MEIS1: variants seen among roughly 807,000 people sequenced by gnomAD.
MEIS1 encodes the protein Meis homeobox 1, also known as homeobox protein Meis1.
MEIS1 carries 5 observed loss-of-function variants against 50.8 expected under a neutral mutation model. That is an observed-to-expected ratio of 0.10 (90% CI 0.05 to 0.21). The LOEUF (loss-of-function observed/expected upper bound fraction) is 0.21, where lower values mean the gene tolerates loss of function less well. Ranked by LOEUF, MEIS1 falls within the 10% of genes least tolerant of loss-of-function variation. The pLI, the probability that MEIS1 is intolerant of heterozygous loss-of-function variation, is 1.00. For missense variants in MEIS1, 318 were observed against 517.3 expected (o/e 0.61, Z 3.74); for synonymous variants, 176 against 179.3 (o/e 0.98, Z 0.15).
intron 7 of MEIS1, among the ~76,000 whole-genome samples, chr2:66,491,060 A>C (rs966252033): frequency 1.3e-5 from 2 of 150,670 alleles, no homozygotes; most frequent in African/African-American, 5.0e-5. Context: ...AAATGGAGAA[A>C]TGTATTAAGG....
At chr2:66,540,650 A>C (rs1420678771) in intron 8 of MEIS1, among the ~76,000 whole-genome samples, 1 of 152,190 alleles carries the variant, frequency 6.6e-6, no homozygotes, top group African/African-American at 2.4e-5. Flanking sequence ...ATGGTCTTCT[A>C]CTGAGAGAAT....
chr2:66,481,472 G>A (rs74603892), intron 7 of MEIS1, among the ~76,000 whole-genome samples: 1 of 152,184 alleles, frequency 6.6e-6, no homozygotes, highest in Non-Finnish European at 1.5e-5. Context: ...AGCTAATCCA[G>A]GTTCCTATTT....
At chr2:66,560,413 T>A (rs140102786) in intron 9 of MEIS1, among the ~76,000 whole-genome samples, 1 of 151,342 alleles carries the variant, frequency 6.6e-6, no homozygotes, top group Non-Finnish European at 1.5e-5. Context: ...TAGTGAAACC[T>A]TGTCTCTACA....
chr2:66,479,563 T>C (rs964142612), intron 7 of MEIS1, among the ~76,000 whole-genome samples: 5 of 152,216 alleles, frequency 3.3e-5, no homozygotes, highest in Admixed American at 2.0e-4. Flanking sequence ...TAGTATAAGA[T>C]TGTGTTTCAG....
intron 6 of MEIS1, among the ~76,000 whole-genome samples, chr2:66,447,019 T>C (rs183791703): frequency 1.3e-3 from 193 of 152,296 alleles, no homozygotes; most frequent in African/African-American, 4.6e-3. Flanking sequence ...GCGGGGGAAA[T>C]TCTTGCAAGG....
chr2:66,500,844 A>G (rs1333028122), intron 7 of MEIS1, among the ~76,000 whole-genome samples: 1 of 152,254 alleles, frequency 6.6e-6, no homozygotes, highest in African/African-American at 2.4e-5. Flanking sequence ...GTATATACAC[A>G]CATATATACA....
At chr2:66,439,752 C>T in intron 2 of MEIS1, 91 bp from the exon 3 acceptor site, 2 of 1,603,348 alleles carry the variant, frequency 1.2e-6, no homozygotes, top group Non-Finnish European at 1.7e-6. Context: ...GTCTGTTCCT[C>T]TTGCTCCTCC....
chr2:66,537,885 A>G (rs1674559324), intron 8 of MEIS1, among the ~76,000 whole-genome samples: 1 of 152,170 alleles, frequency 6.6e-6, no homozygotes. Flanking sequence ...AAAGATCCTT[A>G]CTTTATTGGA....
chr2:66,441,742 T>G, intron 5 of MEIS1: 1 of 411,322 alleles, frequency 2.4e-6, no homozygotes, highest in Non-Finnish European at 4.3e-6. Context: ...GCATCCCAGC[T>G]GATGTTTCGA....
intron 7 of MEIS1, among the ~76,000 whole-genome samples, chr2:66,499,959 T>C (rs1673508155): frequency 6.6e-6 from 1 of 152,208 alleles, no homozygotes; most frequent in Non-Finnish European, 1.5e-5. Context: ...GTTAAGCATT[T>C]ATATGGCTTT....
chr2:66,556,586 A>T (rs1211846512), intron 9 of MEIS1, among the ~76,000 whole-genome samples: 1 of 151,544 alleles, frequency 6.6e-6, no homozygotes, highest in Non-Finnish European at 1.5e-5. Flanking sequence ...GTAAGTTTTC[A>T]GTATTTTTAC....
chr2:66,443,010 A>G lies in MEIS1; in HGVS notation c.592A>G (p.Ser198Gly). The G allele has an allele frequency of 6.2e-7, 1 of 1,602,802 alleles. No individual in the cohort carries two copies. The highest frequency in any genetic ancestry group is 8.5e-7 in the Non-Finnish European group (1 of 1,176,054). Residue 198 changes from serine to glycine, a missense_variant, in exon 6 of 13, where the codon AGT becomes GGT. This residue lies in a region of MEIS1 where 48 missense variants were observed against 50.9 expected (regional missense o/e 0.94). Transcript: ENST00000272369. ...TAGAGAAGGAGGATCAAAATCAGAC[A>G]GTGAAGATATAACAAGATCAGCAAA... is the stretch of plus-strand genomic sequence containing the variant. Reference protein sequence around the residue: ...DDREGGSKSDSEDITRSANLT... With the variant: ...DDREGGSKSDGEDITRSANLT...
At chr2:66,536,759 A>C (rs1014315257) in intron 8 of MEIS1, among the ~76,000 whole-genome samples, 18 of 152,246 alleles carry the variant, frequency 1.2e-4, no homozygotes. Context: ...ACGACTATAC[A>C]TACCAGTTCT....
chr2:66,439,678 G>C (rs1016444907), intron 2 of MEIS1, 165 bp from the exon 3 acceptor site: 1 of 1,539,942 alleles, frequency 6.5e-7, no homozygotes, highest in African/African-American at 1.4e-5. Flanking sequence ...GGAGGTGAGC[G>C]GTCACCTGGG....
chr2:66,439,711 G>T, intron 2 of MEIS1, 132 bp from the exon 3 acceptor site: 1 of 1,553,644 alleles, frequency 6.4e-7, no homozygotes, highest in Non-Finnish European at 8.7e-7. Context: ...GGAGGAAAAG[G>T]AAAAAAGTAG....
At chr2:66,465,668 T>G (rs1672618634) in intron 7 of MEIS1, among the ~76,000 whole-genome samples, 1 of 152,220 alleles carries the variant, frequency 6.6e-6, no homozygotes, top group Non-Finnish European at 1.5e-5. Context: ...TCTTTTTCAT[T>G]TCTTGCTTTT....
In MEIS1 at chr2:66,553,472, T is replaced by G. The variant is rs544987810; in HGVS notation, c.965+5453T>G. ...ATAGCAATCAGTAATACTCACTAGA[T>G]AAAATACTGTCTAGTTGCTCATAAG... On this transcript the variant is annotated intron_variant, in intron 9 of 12. Transcript: ENST00000272369. Among the ~76,000 whole-genome samples the G allele has an allele frequency of 4.6e-5, 7 of 152,332 alleles. 1 individual carries two copies. In the East Asian group the frequency reaches 1.2e-3, roughly 25 times the overall value.
At chr2:66,552,036 C>T (rs1213057864) in intron 9 of MEIS1, among the ~76,000 whole-genome samples, 1 of 151,806 alleles carries the variant, frequency 6.6e-6, no homozygotes. Flanking sequence ...AAGACACACA[C>T]ACACACACAC....
chr2:66,561,803 C>T (rs866478147), intron 9 of MEIS1, among the ~76,000 whole-genome samples: 1 of 152,176 alleles, frequency 6.6e-6, no homozygotes, highest in Non-Finnish European at 1.5e-5. Flanking sequence ...ATCCTGCTGA[C>T]AGTTCACTTA....
Sources: allele counts gnomAD v4.1 joint callset (sites outside exome capture counted in the v4.1 genomes callset), GRCh38; gene constraint gnomAD v4.1.1; regional missense constraint gnomAD v4.1.1; transcripts MANE v1.5; gene names NCBI Gene and HGNC (gene_info 2026-07-23, HGNC 2026-07-21).